METTL15: variants seen among roughly 807,000 people sequenced by gnomAD.
METTL15 encodes 12S rRNA N(4)-cytidine methyltransferase METTL15.
METTL15 carries 34 observed loss-of-function variants against 38.3 expected under a neutral mutation model. The observed-to-expected ratio is 0.89, with a 90% confidence interval of 0.68 to 1.18. The LOEUF is 1.18. Among genes scored for constraint, METTL15 ranks in the 50% most tolerant of loss-of-function variants. METTL15 has a pLI of 0.00. For missense variants in METTL15, 438 were observed against 498.4 expected, an observed-to-expected ratio of 0.88 and a Z score of 1.15; for synonymous variants, 162 against 170.9, an observed-to-expected ratio of 0.95 and a Z score of 0.41.
chr11:28,206,259 T>C (rs1852337300), intron 3 of METTL15, among the ~76,000 whole-genome samples: 1 of 151,684 alleles, frequency 6.6e-6, no homozygotes, highest in South Asian at 2.1e-4. Flanking sequence ...TTTAAATCTT[T>C]AATCCATCTT....
intron 5 of METTL15, among the ~76,000 whole-genome samples, chr11:28,376,648 A>C (rs1850316064): frequency 6.6e-6 from 1 of 151,982 alleles, no homozygotes; most frequent in South Asian, 2.1e-4. Flanking sequence ...TGGAGCATTT[A>C]GTCAATTTAC....
intron 6 of METTL15, among the ~76,000 whole-genome samples, chr11:28,490,832 T>G (rs529945637): frequency 2.0e-5 from 3 of 152,304 alleles, no homozygotes; most frequent in Admixed American, 2.0e-4. Flanking sequence ...GACAAGACTA[T>G]GCATAAATAG....
intron 3 of METTL15, among the ~76,000 whole-genome samples, chr11:28,187,605 C>G (rs1446080772): frequency 6.8e-6 from 1 of 148,110 alleles, no homozygotes; most frequent in South Asian, 2.1e-4. Context: ...ACTTGCAACA[C>G]TAGACATATA....
intron 5 of METTL15, among the ~76,000 whole-genome samples, chr11:28,377,009 G>C (rs1295498233): frequency 3.9e-5 from 5 of 126,804 alleles, no homozygotes; most frequent in Non-Finnish European, 7.2e-5. Context: ...CTGGCTTGTA[G>C]GGTTTCTGCC....
intron 6 of METTL15, among the ~76,000 whole-genome samples, chr11:28,441,378 C>T (rs767863705): frequency 2.0e-5 from 3 of 151,924 alleles, no homozygotes; most frequent in Admixed American, 6.6e-5. Context: ...AAGACACAGA[C>T]CCTCTATGAC....
intron 3 of METTL15, among the ~76,000 whole-genome samples, chr11:28,151,260 C>G (rs940428420): frequency 6.6e-6 from 1 of 151,366 alleles, no homozygotes; most frequent in Non-Finnish European, 1.5e-5. Flanking sequence ...TATTATTCAC[C>G]CCTCTCCCTT....
intron 6 of METTL15, among the ~76,000 whole-genome samples, chr11:28,449,280 T>A (rs890950161): frequency 6.6e-6 from 1 of 152,218 alleles, no homozygotes; most frequent in Non-Finnish European, 1.5e-5. Flanking sequence ...TATTTTGGGC[T>A]GTTTGATCCC....
intron 4 of METTL15, among the ~76,000 whole-genome samples, chr11:28,238,105 T>C (rs1156672142): frequency 3.9e-5 from 6 of 152,206 alleles, no homozygotes; most frequent in African/African-American, 1.2e-4. Flanking sequence ...TCTCTAGCTG[T>C]GTGCTGGGAG....
chr11:28,194,818 C>A (rs974999060), intron 3 of METTL15, among the ~76,000 whole-genome samples: 2 of 151,384 alleles, frequency 1.3e-5, no homozygotes, highest in Non-Finnish European at 2.9e-5. Flanking sequence ...ACCTTGTGCC[C>A]CAATAGGTTT....
intron 5 of METTL15, among the ~76,000 whole-genome samples, chr11:28,414,650 A>G (rs1850758057): frequency 6.6e-6 from 1 of 152,138 alleles, no homozygotes; most frequent in African/African-American, 2.4e-5. Context: ...TTAGTCGTTT[A>G]TTTTTTGTTT....
chr11:28,419,130 G>A (rs544537663), intron 5 of METTL15, among the ~76,000 whole-genome samples: 3 of 152,312 alleles, frequency 2.0e-5, no homozygotes, highest in Admixed American at 2.0e-4. Flanking sequence ...GAGCCCTAGA[G>A]CCTTGAGTGA....
intron 6 of METTL15, among the ~76,000 whole-genome samples, chr11:28,467,836 C>T (rs1395280849): frequency 1.3e-5 from 2 of 152,056 alleles, no homozygotes; most frequent in Non-Finnish European, 2.9e-5. Context: ...GGGTAGTAAG[C>T]TATAGAGCCA....
At chr11:28,368,670 A>G (rs1407658226) in intron 5 of METTL15, among the ~76,000 whole-genome samples, 1 of 152,220 alleles carries the variant, frequency 6.6e-6, no homozygotes, top group African/African-American at 2.4e-5. Flanking sequence ...CCAAAGAACT[A>G]TAAATCATTC....
intron 6 of METTL15, among the ~76,000 whole-genome samples, chr11:28,501,958 G>A (rs965656488): frequency 4.6e-5 from 7 of 151,992 alleles, no homozygotes; most frequent in East Asian, 1.9e-4. Context: ...CAAGTTAGCC[G>A]GGCGTGGTGG....
chr11:28,472,961 T>C (rs1334615786), intron 6 of METTL15, among the ~76,000 whole-genome samples: 2 of 152,178 alleles, frequency 1.3e-5, no homozygotes, highest in Non-Finnish European at 2.9e-5. Flanking sequence ...GGTCTAGGTC[T>C]GTTTCTCTGG....
At chr11:28,246,806 C>T (rs10835295) in intron 4 of METTL15, among the ~76,000 whole-genome samples, 13,214 of 152,112 alleles carry the variant, frequency 0.087, 1,029 homozygotes, top group East Asian at 0.36. Context: ...GAGAACTGCA[C>T]TGTCCAATAT....
At chr11:28,173,117 T>C (rs1484029308) in intron 3 of METTL15, among the ~76,000 whole-genome samples, 3 of 152,182 alleles carry the variant, frequency 2.0e-5, no homozygotes, top group Non-Finnish European at 2.9e-5. Context: ...TTAATATAGA[T>C]TTTGTTTTTT....
chr11:28,285,831 A>G (rs1856239242), intron 4 of METTL15, among the ~76,000 whole-genome samples: 4 of 152,106 alleles, frequency 2.6e-5, no homozygotes, highest in Non-Finnish European at 4.4e-5. Flanking sequence ...GCTCGATGGA[A>G]AAAAGAAGAA....
At chr11:28,129,643 C>T (rs1167713314) in intron 3 of METTL15, among the ~76,000 whole-genome samples, 1 of 152,138 alleles carries the variant, frequency 6.6e-6, no homozygotes. Context: ...CTCCTGACCT[C>T]AAGTGGTCTG....
Sources: gnomAD v4.1 joint callset for allele counts (sites outside exome capture counted in the v4.1 genomes callset) on GRCh38, gnomAD v4.1.1 for gene constraint, MANE v1.5 for transcripts, NCBI Gene and HGNC (gene_info 2026-07-23, HGNC 2026-07-21) for gene names.